The following OIT3 variants were observed in gnomAD, a reference collection of about 807,000 sequenced individuals.
OIT3 encodes the protein oncoprotein induced transcript 3, also known as oncoprotein-induced transcript 3 protein.
Under a neutral mutation model 52.2 loss-of-function variants are expected in OIT3, and 41 were observed. The observed-to-expected ratio is 0.79, with a 90% CI of 0.61 to 1.02. OIT3 has a LOEUF of 1.02. Ranked by LOEUF, OIT3 falls within the 50% of genes least tolerant of loss-of-function variation. OIT3 has a pLI of 0.00. For missense variants in OIT3, 634 were observed against 715.5 expected, an observed-to-expected ratio of 0.89 and a Z score of 1.30; for synonymous variants, 244 against 276.9, an observed-to-expected ratio of 0.88 and a Z score of 1.18.
Position 72,911,839 on chromosome 10 carries a change from G to T in OIT3, c.790G>T (p.Val264Phe). Residue 264 changes from valine to phenylalanine, a missense_variant and splice_region_variant, in exon 5 of 9, where the codon GTC becomes TTC. Coordinates refer to ENST00000334011, the MANE Select transcript of OIT3 (RefSeq NM_152635.3). ...GTCTGAGGATAACCACACTTGCCAAGGTAGTACATGGGGCAGGGGGACTTG... is the reference window on the plus strand; with the variant it reads ...GTCTGAGGATAACCACACTTGCCAATGTAGTACATGGGGCAGGGGGACTTG... ...VLSEDNHTCQ[V>F]PVLCKSNAIE... is the part of the protein sequence containing the mutation. The T allele has an allele frequency of 6.2e-7, 1 of 1,612,622 alleles. No individual in the cohort carries two copies. Among genetic ancestry groups the T allele is most frequent in the Non-Finnish European group, 8.5e-7 (1 of 1,179,328 alleles).
At chr10:72,918,097 C>T in intron 6 of OIT3, 1 of 1,333,982 alleles carries the variant, frequency 7.5e-7, no homozygotes, top group South Asian at 1.2e-5. Context: ...TTGCTACCAC[C>T]TCCAGGGGCA....
intron 3 of OIT3, among the ~76,000 whole-genome samples, chr10:72,901,833 C>T (rs767703519): frequency 6.6e-6 from 1 of 152,006 alleles, no homozygotes; most frequent in Non-Finnish European, 1.5e-5. Context: ...TGCTTGAGGC[C>T]GAGTTTAAGA....
At chr10:72,895,543 GGGTGATGAGGGAGGA>G (rs1056015669) in intron 1 of OIT3, among the ~76,000 whole-genome samples, 21 of 152,286 alleles carry the variant, frequency 1.4e-4, no homozygotes, top group Non-Finnish European at 2.8e-4. Flanking sequence ...AAGCAAAGTG[GGGTGATGAGGGAGGA>G]GGATGGAAGA....
Position 72,924,590 on chromosome 10 carries a change from C to T in OIT3, c.1313C>T (p.Ala438Val). 1 of 1,613,948 alleles carries T rather than the reference C, an allele frequency of 6.2e-7. No individual in the cohort carries two copies. The highest frequency in any genetic ancestry group is 8.5e-7 in the Non-Finnish European group (1 of 1,179,900). ...GLESLVESCF[A>V]TPTSKIDEVL... Reference sequence around the variant, plus strand: ...GAAAGCTTGGTGGAGAGCTGCTTTGCCACCCCCACCTCCAAGATCGACGAG... The same window carrying T: ...GAAAGCTTGGTGGAGAGCTGCTTTGTCACCCCCACCTCCAAGATCGACGAG... Residue 438 changes from alanine to valine, a missense_variant, in exon 7 of 9, where the codon GCC becomes GTC. By Grantham distance (64) the Ala-to-Val change is moderately conservative (BLOSUM62 0). Transcript: ENST00000334011.
In OIT3 at chr10:72,932,559, G is replaced by C. The variant is rs1846227573; in HGVS notation, c.*35G>C. ...ATACCTCGAGTCCCTGCATTGGACG[G>C]CTCTGCTCTTTGGAGCTTCTCCCCC... On this transcript the variant is annotated 3_prime_UTR_variant, in exon 9 of 9. Coordinates refer to ENST00000334011, the MANE Select transcript of OIT3 (RefSeq NM_152635.3). The C allele has an allele frequency of 1.9e-6, 3 of 1,539,542 alleles. No homozygotes were observed. The South Asian group carries it at 3.8e-5, about 19-fold the overall frequency.
At chr10:72,904,195 T>G (rs2132929565) in intron 3 of OIT3, among the ~76,000 whole-genome samples, 1 of 152,188 alleles carries the variant, frequency 6.6e-6, no homozygotes, top group African/African-American at 2.4e-5. Flanking sequence ...ATCATGACCC[T>G]CTCACGCAGA....
intron 3 of OIT3, among the ~76,000 whole-genome samples, chr10:72,904,693 C>T (rs544040232): frequency 3.6e-4 from 55 of 152,188 alleles, no homozygotes; most frequent in African/African-American, 1.3e-3. Context: ...TCTGTTATCT[C>T]CAGTTCAAAG....
chr10:72,904,993 T>A (rs1236083398), intron 3 of OIT3, among the ~76,000 whole-genome samples: 1 of 152,166 alleles, frequency 6.6e-6, no homozygotes, highest in Non-Finnish European at 1.5e-5. Context: ...AGAGATCTCA[T>A]GGCAAGACAG....
intron 2 of OIT3, 27 bp downstream of exon 2, chr10:72,899,065 C>G: frequency 6.4e-7 from 1 of 1,568,204 alleles, no homozygotes. Flanking sequence ...TGCTCTTTTT[C>G]TCCACCAACA....
intron 8 of OIT3, among the ~76,000 whole-genome samples, chr10:72,931,692 A>G (rs117501894): frequency 0.014 from 2,154 of 152,362 alleles, 23 homozygotes; most frequent in Middle Eastern, 0.041. Flanking sequence ...ATAACAATTT[A>G]CAGGCATATT....
intron 3 of OIT3, among the ~76,000 whole-genome samples, chr10:72,902,525 A>G (rs1564590186): frequency 6.6e-6 from 1 of 152,116 alleles, no homozygotes; most frequent in Non-Finnish European, 1.5e-5. Flanking sequence ...AAATATATAT[A>G]TGTGTATTAG....
rs1846028629 is a variant in OIT3 at position 72,911,648 on chromosome 10, G to A, written c.668-69G>A. The A allele has an allele frequency of 4.5e-6, 7 of 1,543,778 alleles. No individual in the cohort carries two copies. The Admixed American group carries it at 9.2e-5, about 20-fold the overall frequency. On this transcript the variant is annotated intron_variant, in intron 4 of 8. Transcript: ENST00000334011. Reference sequence around the variant, plus strand: ...CCATAAGTTAAGTATAATCCCTGATGCAAAGTGCCAGAATTCTTGGGGTAG... The same window carrying A: ...CCATAAGTTAAGTATAATCCCTGATACAAAGTGCCAGAATTCTTGGGGTAG...
chr10:72,930,667 C>T (rs1846208617), intron 8 of OIT3, 30 bp downstream of exon 8: 1 of 1,362,110 alleles, frequency 7.3e-7, no homozygotes. Flanking sequence ...TTTATAACCC[C>T]TGAACCTGAG....
rs199904139 is a variant in OIT3 at position 72,932,500 on chromosome 10, G to A, written c.1614G>A (p.Pro538=). The A allele has an allele frequency of 1.2e-5, 20 of 1,609,596 alleles. No individual in the cohort carries two copies. The highest frequency in any genetic ancestry group is 5.3e-5 in the African/African-American group (4 of 74,962). The part of the protein sequence containing the change: ...GLQGQTLTGG[P]IRIDWED ...AGGGCCAGACGCTAACAGGCGGCCCGATCCGCATCGACTGGGAGGACTAGT... is the reference window on the plus strand; with the variant it reads ...AGGGCCAGACGCTAACAGGCGGCCCAATCCGCATCGACTGGGAGGACTAGT... Residue 538 remains proline (P), a synonymous_variant, in exon 9 of 9, where the codon CCG becomes CCA. Coordinates refer to ENST00000334011, the MANE Select transcript of OIT3 (RefSeq NM_152635.3).
rs769479489 is a variant in OIT3, at chr10:72,893,807, A to C, written c.9A>C (p.Pro3=). 2.5e-6 allele frequency: 4 copies of C among 1,610,454 alleles called. No individual in the cohort carries two copies. In the African/African-American group the frequency reaches 4.0e-5, roughly 16 times the overall value. ...GCAGTTGGTCCAGAAGGATGCCTCCATTCCTGCTTCTCACCTGCCTCTTCA... is the reference window on the plus strand; with the variant it reads ...GCAGTTGGTCCAGAAGGATGCCTCCCTTCCTGCTTCTCACCTGCCTCTTCA... MP[P]FLLLTCLFIT... is the part of the protein sequence containing the mutation. The change falls in exon 1 of 9, where the codon CCA becomes CCC. Residue 3 remains proline, a synonymous_variant. Transcript: ENST00000334011.
At chr10:72,929,446 C>T (rs1171759230) in intron 7 of OIT3, among the ~76,000 whole-genome samples, 2 of 151,952 alleles carry the variant, frequency 1.3e-5, no homozygotes, top group Non-Finnish European at 2.9e-5. Context: ...TCATGAATAT[C>T]CAAAACTTTG....
intron 6 of OIT3, among the ~76,000 whole-genome samples, chr10:72,923,416 G>C (rs1022606866): frequency 6.6e-6 from 1 of 152,174 alleles, no homozygotes; most frequent in Non-Finnish European, 1.5e-5. Context: ...CCAGTTGGGA[G>C]GTCTCACCCA....
intron 6 of OIT3, among the ~76,000 whole-genome samples, chr10:72,922,050 C>G (rs1846126556): frequency 6.6e-6 from 1 of 152,152 alleles, no homozygotes; most frequent in Admixed American, 6.5e-5. Context: ...GCTGAAGGGT[C>G]CACTGTTAGT....
intron 6 of OIT3, chr10:72,918,590 T>G: frequency 1.2e-6 from 1 of 800,170 alleles, no homozygotes; most frequent in African/African-American, 1.7e-5. Context: ...AAACCACCAC[T>G]GCTCAAGAGA....
Sources: allele counts gnomAD v4.1 joint callset (sites outside exome capture counted in the v4.1 genomes callset), GRCh38; gene constraint gnomAD v4.1.1; transcripts MANE v1.5; gene names NCBI Gene and HGNC (gene_info 2026-07-23, HGNC 2026-07-21).